Variants in FRMD4A observed in about 807,000 individuals in gnomAD.
FRMD4A encodes the protein FERM domain containing 4A.
A neutral mutation model predicts 129.1 loss-of-function variants in FRMD4A; 29 were observed. The ratio of observed to expected loss-of-function variants is 0.22; its 90% confidence interval spans 0.17 to 0.31. The LOEUF is 0.31. FRMD4A is among the 10% of genes least tolerant of loss of function. FRMD4A has a pLI of 1.00. For missense variants in FRMD4A, 1,272 were observed against 1,375.8 expected (o/e 0.92, Z 1.19); for synonymous variants, 634 against 571.6 (o/e 1.11, Z -1.56).
intron 2 of FRMD4A, among the ~76,000 whole-genome samples, chr10:14,164,323 T>C (rs1841059152): frequency 6.6e-6 from 1 of 152,166 alleles, no homozygotes; most frequent in Non-Finnish European, 1.5e-5. Flanking sequence ...CTGGTCCCTG[T>C]CCCTGTGCCT....
rs1487836909 is a variant in FRMD4A at position 13,931,783 on chromosome 10, A to AAAAAT, written c.46-72872_46-72871insATTTT. 1.7e-4 allele frequency among the ~76,000 whole-genome samples: 26 copies of AAAAAT among 151,656 alleles called. No homozygotes were observed. In the East Asian group the frequency reaches 5.0e-3, roughly 29 times the overall value. On this transcript the variant is annotated intron_variant, in intron 2 of 24. Transcript: ENST00000357447. ...CAAAATCTCATCTTTACTAAAAAAAAAAAAAAAAAATAGAAAATAGCTGGG... is the reference window on the plus strand; with the variant it reads ...CAAAATCTCATCTTTACTAAAAAAAAAAAATAAAAAAAAAATAGAAAATAGCTGGG...
chr10:13,894,800 A>T (rs564242156), intron 2 of FRMD4A, among the ~76,000 whole-genome samples: 34 of 152,080 alleles, frequency 2.2e-4, no homozygotes, highest in Admixed American at 1.1e-3. Flanking sequence ...CATCCTGTTT[A>T]TTTTTTTCTT....
intron 2 of FRMD4A, among the ~76,000 whole-genome samples, chr10:14,259,384 A>C (rs926264510): frequency 6.6e-6 from 1 of 152,172 alleles, no homozygotes; most frequent in African/African-American, 2.4e-5. Context: ...ACTGAAATAA[A>C]TATTATTTAA....
chr10:13,673,584 G>GCACA (rs575885507), intron 16 of FRMD4A, among the ~76,000 whole-genome samples: 3,294 of 150,076 alleles, frequency 0.022, 134 homozygotes, highest in African/African-American at 0.078. Flanking sequence ...ATGCGTGCGC[G>GCACA]CGCGCACACA....
At chr10:14,274,154 G>T (rs1452369892) in intron 2 of FRMD4A, among the ~76,000 whole-genome samples, 1 of 152,224 alleles carries the variant, frequency 6.6e-6, no homozygotes, top group Non-Finnish European at 1.5e-5. Context: ...GCTGGGTCCT[G>T]CCCTGAACGC....
chr10:14,026,927 T>G (rs1833010204), intron 2 of FRMD4A, among the ~76,000 whole-genome samples: 1 of 152,236 alleles, frequency 6.6e-6, no homozygotes, highest in African/African-American at 2.4e-5. Flanking sequence ...GTGTTCAACA[T>G]CAAATTTTCT....
In FRMD4A at chr10:14,066,218, T is replaced by C. The variant is rs140876731; in HGVS notation, c.46-207306A>G. On this transcript the variant is annotated intron_variant, in intron 2 of 24. Coordinates refer to ENST00000357447, the MANE Select transcript of FRMD4A (RefSeq NM_018027.5). ...TGAGGAGGAGATCCACCTTAGTATG[T>C]AGAGCTGCACCAGGAGTTGGCCAGA... is the stretch of plus-strand genomic sequence containing the variant. 5.2e-4 allele frequency among the ~76,000 whole-genome samples: 79 copies of C among 151,732 alleles called. 1 individual carries two copies. The highest frequency in any genetic ancestry group is 3.9e-3 in the Admixed American group (59 of 15,180).
intron 12 of FRMD4A, among the ~76,000 whole-genome samples, chr10:13,732,352 T>C (rs1349280577): frequency 1.3e-5 from 2 of 152,014 alleles, no homozygotes; most frequent in African/African-American, 4.8e-5. Flanking sequence ...GGGTAGGTCA[T>C]ATGGAAACAC....
chr10:13,756,511 G>A (rs1466843843), intron 8 of FRMD4A, among the ~76,000 whole-genome samples: 3 of 152,106 alleles, frequency 2.0e-5, no homozygotes, highest in Non-Finnish European at 2.9e-5. Flanking sequence ...ACAGGCACAC[G>A]CCACCATGCC....
At chr10:14,243,735 T>G (rs1463127383) in intron 2 of FRMD4A, among the ~76,000 whole-genome samples, 2 of 151,724 alleles carry the variant, frequency 1.3e-5, no homozygotes, top group African/African-American at 4.8e-5. Flanking sequence ...CTGGAGATGG[T>G]GGTTGCACAA....
chr10:14,185,339 G>T (rs1244063387), intron 2 of FRMD4A, among the ~76,000 whole-genome samples: 1 of 152,164 alleles, frequency 6.6e-6, no homozygotes, highest in African/African-American at 2.4e-5. Context: ...TTTAGTTCTA[G>T]ATATCCATAG....
intron 2 of FRMD4A, among the ~76,000 whole-genome samples, chr10:14,016,624 T>C (rs1379668556): frequency 6.6e-6 from 1 of 152,204 alleles, no homozygotes; most frequent in Non-Finnish European, 1.5e-5. Flanking sequence ...TAGATTTCAT[T>C]TGAGTAACTA....
At chr10:13,708,704 A>C (rs897127972) in intron 12 of FRMD4A, among the ~76,000 whole-genome samples, 4 of 152,244 alleles carry the variant, frequency 2.6e-5, no homozygotes, top group African/African-American at 7.2e-5. Context: ...TCTATTACTA[A>C]AATACACAGA....
rs546733433 is a variant in FRMD4A, at chr10:14,270,474, C to A, written c.45+59584G>T. ...GGAGATTTCCAAATTCCTCACCTAT[C>A]CATCTTCTTAGTGGGAAATTCCTCC... On this transcript the variant is annotated intron_variant, in intron 2 of 24. Coordinates refer to ENST00000357447, the MANE Select transcript of FRMD4A (RefSeq NM_018027.5). Among the ~76,000 whole-genome samples the A allele has an allele frequency of 1.3e-4, 20 of 152,340 alleles. No homozygotes were observed. The South Asian group carries it at 2.7e-3, about 21-fold the overall frequency.
chr10:13,796,684 A>G, intron 4 of FRMD4A, 96 bp from the exon 5 acceptor site: 2 of 685,024 alleles, frequency 2.9e-6, no homozygotes, highest in Non-Finnish European at 5.3e-6. Flanking sequence ...GCTGGATCGT[A>G]GATAAATTTG....
intron 8 of FRMD4A, 29 bp downstream of exon 8, chr10:13,761,618 A>G (rs749878784): frequency 1.3e-6 from 2 of 1,562,258 alleles, no homozygotes; most frequent in Non-Finnish European, 8.8e-7. Flanking sequence ...TACATTTTAA[A>G]CAACACAACA....
At chr10:14,320,951 C>T (rs1185617020) in intron 2 of FRMD4A, among the ~76,000 whole-genome samples, 2 of 152,220 alleles carry the variant, frequency 1.3e-5, no homozygotes, top group African/African-American at 2.4e-5. Flanking sequence ...TCTAAGAAGG[C>T]GTCCTCAGTC....
At chr10:13,800,043 G>A (rs1237705826) in intron 4 of FRMD4A, among the ~76,000 whole-genome samples, 5 of 151,932 alleles carry the variant, frequency 3.3e-5, no homozygotes, top group African/African-American at 9.7e-5. Flanking sequence ...TTAGCCAGGC[G>A]TGGTGGCACA....
chr10:14,094,229 A>C (rs1348006071), intron 2 of FRMD4A, among the ~76,000 whole-genome samples: 1 of 152,208 alleles, frequency 6.6e-6, no homozygotes, highest in Admixed American at 6.5e-5. Flanking sequence ...CAAATGCCAG[A>C]CGACATGGCG....
Sources: gnomAD v4.1 joint callset for allele counts (sites outside exome capture counted in the v4.1 genomes callset) on GRCh38, gnomAD v4.1.1 for gene constraint, MANE v1.5 for transcripts, NCBI Gene and HGNC (gene_info 2026-07-23, HGNC 2026-07-21) for gene names.